The following SSBP3 variants were observed in gnomAD, a reference collection of about 807,000 sequenced individuals.
SSBP3 encodes single stranded DNA binding protein 3.
A neutral mutation model predicts 69.6 loss-of-function variants in SSBP3; 5 were observed. The ratio of observed to expected loss-of-function variants is 0.07; its 90% confidence interval spans 0.04 to 0.15. The LOEUF (loss-of-function observed/expected upper bound fraction) is 0.15, where lower values mean the gene tolerates loss of function less well. SSBP3 is among the 10% of genes least tolerant of loss of function. The pLI is 1.00. For missense variants in SSBP3, 312 were observed against 534.0 expected (o/e 0.58, Z 4.10); for synonymous variants, 196 against 193.4 (o/e 1.01, Z -0.11).
intron 5 of SSBP3, among the ~76,000 whole-genome samples, chr1:54,271,509 A>G (rs937416106): frequency 2.6e-5 from 4 of 152,360 alleles, no homozygotes; most frequent in African/African-American, 9.6e-5. Flanking sequence ...CTGAGGAAAC[A>G]GTGCCTGAAG....
chr1:54,369,743 T>C (rs1032594411), intron 4 of SSBP3, among the ~76,000 whole-genome samples: 8 of 151,620 alleles, frequency 5.3e-5, no homozygotes, highest in African/African-American at 1.7e-4. Flanking sequence ...CCAACCAGTC[T>C]GAGGACGCTC....
intron 4 of SSBP3, 34 bp downstream of exon 4, chr1:54,401,827 T>G: frequency 1.9e-6 from 3 of 1,577,284 alleles, no homozygotes. Flanking sequence ...TCCAACCCTA[T>G]AATTATTGCT....
Position 54,342,168 on chromosome 1 carries a change from C to T in SSBP3, c.276+59693G>A, listed in dbSNP as rs527747457. Among the ~76,000 whole-genome samples, 3 of 152,368 alleles carry T rather than the reference C, an allele frequency of 2.0e-5. No homozygotes were observed. In the South Asian group the frequency reaches 6.2e-4, roughly 32 times the overall value. The stretch of plus-strand genomic sequence containing the variant: ...CAGGAAAGCAGCGCAGCCCAGGCTG[C>T]AGAGTCCAGGCATCCAGGTCTGGAA... On this transcript the variant is annotated intron_variant, in intron 4 of 17. Coordinates refer to ENST00000610401, the Ensembl canonical transcript of SSBP3.
chr1:54,410,632 G>A (rs944290971), upstream of SSBP3, among the ~76,000 whole-genome samples: 16 of 152,192 alleles, frequency 1.1e-4, no homozygotes, highest in Admixed American at 3.9e-4. Flanking sequence ...CTGAGGGATC[G>A]GGGGCCTCCA....
At chr1:54,402,713 C>T (rs1649398349) in intron 3 of SSBP3, among the ~76,000 whole-genome samples, 1 of 152,164 alleles carries the variant, frequency 6.6e-6, no homozygotes, top group African/African-American at 2.4e-5. Context: ...AGGAAGCAGG[C>T]CTAGAAATGC....
chr1:54,268,319 C>T (rs1200339005), intron 5 of SSBP3, among the ~76,000 whole-genome samples: 5 of 152,316 alleles, frequency 3.3e-5, no homozygotes, highest in Non-Finnish European at 5.9e-5. Flanking sequence ...CGCCACCGCT[C>T]GCCAGCGCTC....
rs552619437 is a variant in SSBP3 at position 54,288,834 on chromosome 1, C to T, written c.277-7307G>A. 1.4e-4 allele frequency among the ~76,000 whole-genome samples: 22 copies of T among 151,868 alleles called. No homozygotes were observed. The South Asian group carries it at 2.3e-3, about 16-fold the overall frequency. On this transcript the variant is annotated intron_variant, in intron 4 of 17. Transcript: ENST00000610401. The stretch of plus-strand genomic sequence containing the variant: ...GAGATCGAGACCATCCTGGCTAACA[C>T]GTGAAACCAAGTCTCTACTAAAAAT...
chr1:54,342,576 G>A (rs556670783), intron 4 of SSBP3, among the ~76,000 whole-genome samples: 12 of 150,178 alleles, frequency 8.0e-5, no homozygotes, highest in South Asian at 2.1e-4. Context: ...ACCACCTACC[G>A]TGGTAAAGCC....
rs1469065917 is a variant in SSBP3, at chr1:54,240,091, CGCGCGCGCGTGTGCGT to C, written c.856+798_856+813del. ...GTGTGTGTGTGTGTGTGTGTGTGCG[CGCGCGCGCGTGTGCGT>C]GCGCGCGCGCGCGCAACACATGCCC... On this transcript the variant is annotated intron_variant, in intron 13 of 17. Transcript: ENST00000610401. 3.2e-4 allele frequency among the ~76,000 whole-genome samples: 11 copies of C among 33,852 alleles called. 2 individuals are homozygous for C. In the East Asian group the frequency reaches 0.031, roughly 94 times the overall value. The allele number at this position is 33,852 out of a possible 152,430, so 22.2% of individuals were successfully genotyped here. A position where few individuals can be genotyped will look rare whatever the true frequency, so the allele number is the denominator to read the frequency against.
intron 4 of SSBP3, chr1:54,326,205 C>T (rs1181202703): frequency 6.6e-6 from 1 of 152,304 alleles, no homozygotes; most frequent in Admixed American, 6.5e-5. Flanking sequence ...CAGCCAGTCC[C>T]ATCTCTGACA....
chr1:54,363,645 C>T (rs1177385755), intron 4 of SSBP3, among the ~76,000 whole-genome samples: 3 of 152,120 alleles, frequency 2.0e-5, no homozygotes, highest in African/African-American at 7.2e-5. Flanking sequence ...CCTGCACCAT[C>T]ATTTTTTTAA....
At chr1:54,410,646 G>A (rs770199439), upstream of SSBP3, among the ~76,000 whole-genome samples, 2 of 152,194 alleles carry the variant, frequency 1.3e-5, no homozygotes, top group Non-Finnish European at 2.9e-5. Flanking sequence ...GCCTCCACAG[G>A]GGGAATACAA....
At chr1:54,402,215 ATACT>A (rs1183182775) in intron 3 of SSBP3, among the ~76,000 whole-genome samples, 2 of 152,198 alleles carry the variant, frequency 1.3e-5, no homozygotes, top group African/African-American at 4.8e-5. Context: ...TGTCTACCAT[ATACT>A]GTAAGGTAGG....
intron 14 of SSBP3, chr1:54,237,560 TTC>T (rs1222794797): frequency 3.9e-5 from 6 of 153,940 alleles, no homozygotes; most frequent in African/African-American, 1.4e-4. Context: ...GCGCAGTACA[TTC>T]TGTTTGGGTT....
chr1:54,403,664 C>T (rs1649466640), intron 3 of SSBP3, among the ~76,000 whole-genome samples: 2 of 152,180 alleles, frequency 1.3e-5, no homozygotes, highest in Non-Finnish European at 1.5e-5. Context: ...CAGATAAACC[C>T]GCTAAGATCC....
intron 4 of SSBP3, among the ~76,000 whole-genome samples, chr1:54,376,164 C>CCG (rs1647227810): frequency 6.6e-6 from 1 of 151,898 alleles, no homozygotes; most frequent in African/African-American, 2.4e-5. Flanking sequence ...CCCCTCCACC[C>CCG]TGTTCACTCG....
At chr1:54,238,724 C>A in intron 14 of SSBP3, 1 of 313,828 alleles carries the variant, frequency 3.2e-6, no homozygotes, top group East Asian at 8.9e-5. Flanking sequence ...TGTCCCCTTG[C>A]TGCTGGCTCC....
intron 4 of SSBP3, among the ~76,000 whole-genome samples, chr1:54,377,271 G>C (rs142121756): frequency 9.8e-5 from 15 of 152,296 alleles, no homozygotes; most frequent in African/African-American, 3.6e-4. Context: ...TTCCCCACAA[G>C]GTCTGCCTCC....
At chr1:54,285,922 C>G (rs1172763331) in intron 4 of SSBP3, among the ~76,000 whole-genome samples, 2 of 152,108 alleles carry the variant, frequency 1.3e-5, no homozygotes, top group East Asian at 3.8e-4. Flanking sequence ...ACTCAGTTTC[C>G]CCATGTGTCC....
Sources: allele counts gnomAD v4.1 joint callset (sites outside exome capture counted in the v4.1 genomes callset), GRCh38; gene constraint gnomAD v4.1.1; transcripts MANE v1.5; gene names NCBI Gene and HGNC (gene_info 2026-07-23, HGNC 2026-07-21).